Variants in CDK5RAP1 observed in about 807,000 individuals in gnomAD.
CDK5RAP1 encodes the protein CDK5RAP1 mitochondrial tRNA methylthiotransferase.
Under a neutral mutation model 64.5 loss-of-function variants are expected in CDK5RAP1, and 62 were observed. The ratio of observed to expected loss-of-function variants is 0.96; its 90% CI spans 0.78 to 1.19. The LOEUF is 1.19. CDK5RAP1 is among the 50% of genes most tolerant of loss of function. The pLI is 0.00. For missense variants in CDK5RAP1, 657 were observed against 735.0 expected, an observed-to-expected ratio of 0.89 and a Z score of 1.23; for synonymous variants, 250 against 261.9, an observed-to-expected ratio of 0.95 and a Z score of 0.44.
In CDK5RAP1 at chr20:33,372,644, G is replaced by A; in HGVS notation, c.1259C>T (p.Pro420Leu). Residue 420 changes from proline to leucine, a missense_variant and splice_region_variant, in exon 10 of 14, where the codon CCA (proline) becomes CTA (leucine). Transcript: ENST00000346416. ...ELVHHIRESI[P>L]GVSLSSDFIA... is the part of the protein sequence containing the mutation. ...CAGAATGAGTTTCTTAAATGTACCT[G>A]GAATAGATTCTCTAATATGGTGAAC... 2 of 1,517,566 alleles carry A rather than the reference G, an allele frequency of 1.3e-6. No individual in the cohort carries two copies. The highest frequency in any genetic ancestry group is 8.8e-7 in the Non-Finnish European group (1 of 1,130,520). The allele number at this position is 1,517,566 out of a possible 1,614,324, so 94.0% of individuals were successfully genotyped here.
chr20:33,360,323 A>C, intron 13 of CDK5RAP1, 28 bp downstream of exon 13: 1 of 1,608,250 alleles, frequency 6.2e-7, no homozygotes, highest in Non-Finnish European at 8.5e-7. Flanking sequence ...TTCACAGTGC[A>C]AGCCAAAAGC....
rs139305851 is a variant in CDK5RAP1, at chr20:33,379,485, G to C, written c.1083C>G (p.Pro361=). ...DPEMRIRFTS[P]HPKDFPDEVL... ...CCTCATCAGGAAAATCCTTGGGGTG[G>C]GGAGAGGTAAAACGGATCCTCATTT... Residue 361 remains proline (P), a synonymous_variant, in exon 8 of 14, where the codon CCC becomes CCG. Coordinates refer to ENST00000346416, the MANE Select transcript of CDK5RAP1 (RefSeq NM_016408.4). The C allele has an allele frequency of 1.9e-6, 3 of 1,613,180 alleles. No homozygotes were observed. The highest frequency in any genetic ancestry group is 2.5e-6 in the Non-Finnish European group (3 of 1,179,278).
intron 6 of CDK5RAP1, among the ~76,000 whole-genome samples, chr20:33,386,749 TAAAC>T (rs1195599540): frequency 1.6e-5 from 2 of 123,366 alleles, no homozygotes; most frequent in Non-Finnish European, 3.5e-5. Context: ...GCCATTAAAA[TAAAC>T]AGAGGTTGAC....
chr20:33,395,988 T>C (rs1988863994), intron 2 of CDK5RAP1, among the ~76,000 whole-genome samples: 1 of 151,810 alleles, frequency 6.6e-6, no homozygotes, highest in African/African-American at 2.4e-5. Context: ...TGCTCCAGCC[T>C]GGGCGACAGA....
intron 12 of CDK5RAP1, among the ~76,000 whole-genome samples, chr20:33,366,119 G>A (rs1421064763): frequency 6.6e-6 from 1 of 152,074 alleles, no homozygotes; most frequent in Non-Finnish European, 1.5e-5. Context: ...AGGAGTTTGA[G>A]ACCAGCCTGG....
intron 12 of CDK5RAP1, among the ~76,000 whole-genome samples, chr20:33,363,886 G>C (rs183872878): frequency 6.6e-6 from 1 of 151,930 alleles, no homozygotes; most frequent in African/African-American, 2.4e-5. Flanking sequence ...GAGACAGAAC[G>C]AGAGACTTTG....
chr20:33,385,950 G>T (rs1246206813), intron 6 of CDK5RAP1, among the ~76,000 whole-genome samples, 180 bp from the exon 7 acceptor site: 3 of 152,174 alleles, frequency 2.0e-5, no homozygotes, highest in Non-Finnish European at 4.4e-5. Flanking sequence ...TTAAAAATTG[G>T]TATCTAATCA....
At chr20:33,368,184 T>C (rs549132696) in intron 11 of CDK5RAP1, among the ~76,000 whole-genome samples, 4 of 152,336 alleles carry the variant, frequency 2.6e-5, no homozygotes, top group Admixed American at 1.3e-4. Flanking sequence ...GGTTCTTGAT[T>C]AAGTTCCTAT....
At chr20:33,366,726 G>T in intron 12 of CDK5RAP1, 133 bp downstream of exon 12, 1 of 738,452 alleles carries the variant, frequency 1.4e-6, no homozygotes, top group Non-Finnish European at 2.2e-6. Context: ...CACCTACTTG[G>T]GAGGCTGAGG....
At chr20:33,391,042 C>T (rs548839016) in intron 5 of CDK5RAP1, among the ~76,000 whole-genome samples, 3 of 152,086 alleles carry the variant, frequency 2.0e-5, no homozygotes, top group African/African-American at 7.2e-5. Context: ...ACACTTCAGC[C>T]CAGAAGTTCT....
At chr20:33,371,391 T>C (rs1984993820) in intron 10 of CDK5RAP1, among the ~76,000 whole-genome samples, 1 of 152,224 alleles carries the variant, frequency 6.6e-6, no homozygotes, top group Non-Finnish European at 1.5e-5. Context: ...AAGTCTCTTA[T>C]CTGCTATCAC....
intron 5 of CDK5RAP1, 123 bp downstream of exon 5, chr20:33,392,019 T>C (rs908037227): frequency 1.1e-5 from 7 of 659,438 alleles, no homozygotes; most frequent in Middle Eastern, 6.7e-4. Flanking sequence ...AGTACAAGAA[T>C]TGCATGGGAT....
chr20:33,384,897 G>A (rs576489302), intron 7 of CDK5RAP1, among the ~76,000 whole-genome samples: 13 of 152,178 alleles, frequency 8.5e-5, no homozygotes, highest in African/African-American at 2.6e-4. Context: ...GTGAAAGCCC[G>A]TCTCAAAAAT....
intron 7 of CDK5RAP1, 144 bp from the exon 8 acceptor site, chr20:33,379,835 G>A (rs1986516838): frequency 1.6e-6 from 1 of 630,656 alleles, no homozygotes; most frequent in Non-Finnish European, 2.8e-6. Flanking sequence ...CTATAAGTGT[G>A]TTGTGTCTAT....
intron 2 of CDK5RAP1, 59 bp from the exon 3 acceptor site, chr20:33,395,175 C>A: frequency 1.1e-6 from 1 of 947,186 alleles, no homozygotes; most frequent in South Asian, 1.3e-5. Flanking sequence ...TCTCGTGTCT[C>A]AAAAGGTCTC....
chr20:33,365,294 C>T (rs1983703712), intron 12 of CDK5RAP1, among the ~76,000 whole-genome samples: 1 of 151,488 alleles, frequency 6.6e-6, no homozygotes, highest in African/African-American at 2.4e-5. Flanking sequence ...TTTTTTGAAA[C>T]AGAGTCTCAC....
intron 5 of CDK5RAP1, among the ~76,000 whole-genome samples, chr20:33,389,358 G>A (rs539995431): frequency 1.5e-3 from 228 of 151,034 alleles, no homozygotes; most frequent in Non-Finnish European, 2.1e-3. Flanking sequence ...CAGCCGCCCC[G>A]TCTGAGAAGT....
chr20:33,370,380 G>A (rs1272175323), intron 11 of CDK5RAP1, 119 bp downstream of exon 11: 4 of 984,716 alleles, frequency 4.1e-6, no homozygotes, highest in Non-Finnish European at 6.1e-6. Flanking sequence ...TGAATCGTAA[G>A]AGCCTGTGGT....
chr20:33,401,332 T>C, intron 1 of CDK5RAP1, 96 bp downstream of exon 1: 1 of 919,144 alleles, frequency 1.1e-6, no homozygotes, highest in Non-Finnish European at 1.3e-6. Context: ...TCCTCCCTCT[T>C]GAACACCGTG....
Sources: gnomAD v4.1 joint callset for allele counts (sites outside exome capture counted in the v4.1 genomes callset) on GRCh38, gnomAD v4.1.1 for gene constraint, MANE v1.5 for transcripts, NCBI Gene and HGNC (gene_info 2026-07-23, HGNC 2026-07-21) for gene names.